Variants in KCNMA1 observed in about 807,000 individuals in gnomAD.
KCNMA1 encodes the protein potassium calcium-activated channel subfamily M alpha 1.
KCNMA1 carries 29 observed loss-of-function variants against 140.0 expected under a neutral mutation model. The ratio of observed to expected loss-of-function variants is 0.21; its 90% CI spans 0.15 to 0.28. The LOEUF is 0.28. Ranked by LOEUF, KCNMA1 falls within the 10% of genes least tolerant of loss-of-function variation. The pLI, the probability that KCNMA1 is intolerant of heterozygous loss-of-function variation, is 1.00. For synonymous variants in KCNMA1, 612 were observed against 611.9 expected (o/e 1.00, Z 0.00); for missense variants, 880 against 1,602.2 (o/e 0.55, Z 7.70).
rs1042978200 is a variant in KCNMA1, at chr10:77,076,593, C to A, written c.1593+2888G>T. Among the ~76,000 whole-genome samples, 7 of 152,162 alleles carry A rather than the reference C, an allele frequency of 4.6e-5. No homozygotes were observed. The East Asian group carries it at 1.2e-3, about 25-fold the overall frequency. On this transcript the variant is annotated intron_variant, in intron 13 of 27. Coordinates refer to ENST00000286628, the MANE Select transcript of KCNMA1 (RefSeq NM_001161352.2). ...CCGCTCGCTGGCTGCAGAGTGGTGG[C>A]CATGATTTGTGCCCAGCAGAGCTGC...
At chr10:77,378,167 G>A (rs950407046) in intron 2 of KCNMA1, among the ~76,000 whole-genome samples, 2 of 152,062 alleles carry the variant, frequency 1.3e-5, no homozygotes, top group African/African-American at 4.8e-5. Context: ...GCAGCCTCAG[G>A]TGCCACCGAG....
intron 1 of KCNMA1, among the ~76,000 whole-genome samples, chr10:77,604,404 T>A (rs1434480549): frequency 3.9e-5 from 6 of 152,194 alleles, no homozygotes; most frequent in African/African-American, 1.4e-4. Context: ...GATATTTATT[T>A]TAGTTTTTAA....
intron 2 of KCNMA1, among the ~76,000 whole-genome samples, chr10:77,308,932 G>A (rs10824519): frequency 8.1e-4 from 123 of 152,126 alleles, no homozygotes; most frequent in Admixed American, 1.8e-3. Flanking sequence ...TAAAATGGCC[G>A]CCAAGTCAGG....
chr10:77,476,690 C>T (rs1010754705), intron 1 of KCNMA1, among the ~76,000 whole-genome samples: 2 of 152,190 alleles, frequency 1.3e-5, no homozygotes, highest in Non-Finnish European at 2.9e-5. Context: ...GGTGCATGTG[C>T]CCAGGTAAGC....
chr10:77,044,626 G>T (rs1186852885), intron 14 of KCNMA1, among the ~76,000 whole-genome samples: 1 of 152,172 alleles, frequency 6.6e-6, no homozygotes, highest in Non-Finnish European at 1.5e-5. Flanking sequence ...TCCAGCATGG[G>T]CAACAGAGAG....
At chr10:77,356,517 C>T (rs1389188480) in intron 2 of KCNMA1, among the ~76,000 whole-genome samples, 1 of 152,092 alleles carries the variant, frequency 6.6e-6, no homozygotes, top group African/African-American at 2.4e-5. Context: ...AATTAGACAC[C>T]GTGTGGCCTT....
intron 1 of KCNMA1, among the ~76,000 whole-genome samples, chr10:77,466,825 G>A (rs2098028750): frequency 6.6e-6 from 1 of 151,454 alleles, no homozygotes; most frequent in Admixed American, 6.6e-5. Flanking sequence ...GTGGGATGCT[G>A]ATGTCCATGA....
At chr10:77,013,961 T>C in intron 17 of KCNMA1, among the ~76,000 whole-genome samples, 1 of 152,366 alleles carries the variant, frequency 6.6e-6, no homozygotes, top group South Asian at 2.1e-4. Flanking sequence ...AAAGTTGGAT[T>C]CTTTTTTAAT....
chr10:77,155,682 G>A (rs779570583), intron 5 of KCNMA1, among the ~76,000 whole-genome samples: 4 of 151,946 alleles, frequency 2.6e-5, no homozygotes, highest in African/African-American at 4.8e-5. Flanking sequence ...CCACCATTAC[G>A]ATCTGAACTA....
chr10:77,206,819 G>GA (rs553539983), intron 3 of KCNMA1, among the ~76,000 whole-genome samples: 1 of 151,132 alleles, frequency 6.6e-6, no homozygotes, highest in South Asian at 2.1e-4. Context: ...GGGAGGGAGG[G>GA]GGGGGCGGGT....
chr10:77,324,175 G>A (rs1380196427), intron 2 of KCNMA1, among the ~76,000 whole-genome samples: 1 of 152,178 alleles, frequency 6.6e-6, no homozygotes, highest in East Asian at 1.9e-4. Flanking sequence ...GGCACCAACT[G>A]AACACTGTGC....
chr10:77,247,025 C>T (rs1473475997), intron 3 of KCNMA1, among the ~76,000 whole-genome samples: 2 of 152,212 alleles, frequency 1.3e-5, no homozygotes, highest in African/African-American at 4.8e-5. Context: ...TATAACCTTT[C>T]AGCTTTACTC....
intron 23 of KCNMA1, among the ~76,000 whole-genome samples, chr10:76,920,016 GTGTGTATATATA>G (rs1275108718): frequency 1.6e-4 from 7 of 44,286 alleles, no homozygotes; most frequent in African/African-American, 8.1e-4. Flanking sequence ...GTGTGTGTGT[GTGTGTATATATA>G]TATATATATA....
chr10:77,119,511 AAC>A (rs894236392), intron 6 of KCNMA1, among the ~76,000 whole-genome samples: 1 of 152,178 alleles, frequency 6.6e-6, no homozygotes, highest in Non-Finnish European at 1.5e-5. Context: ...CCATCTTTAA[AAC>A]ACAGTCTAGT....
chr10:77,283,513 C>A lies in KCNMA1; in HGVS notation c.541-32257G>T, dbSNP rs190490809. Among the ~76,000 whole-genome samples the A allele has an allele frequency of 3.0e-3, 460 of 152,300 alleles. 2 individuals carry two copies. Among genetic ancestry groups the A allele is most frequent in the Non-Finnish European group, 5.2e-3 (355 of 68,024 alleles). On this transcript the variant is annotated intron_variant, in intron 2 of 27. Coordinates refer to ENST00000286628, the MANE Select transcript of KCNMA1 (RefSeq NM_001161352.2). ...CTGTCAGATTCTTGATAAAGTACAG[C>A]ACATGCCAGGAATTCTGTGGGCCCT...
intron 1 of KCNMA1, among the ~76,000 whole-genome samples, chr10:77,424,747 G>A (rs1477923820): frequency 1.3e-5 from 2 of 152,204 alleles, no homozygotes; most frequent in African/African-American, 4.8e-5. Context: ...TAATGAAGGT[G>A]GTGGTATTTC....
chr10:77,420,928 C>T (rs149220940), intron 1 of KCNMA1, among the ~76,000 whole-genome samples: 1 of 152,346 alleles, frequency 6.6e-6, no homozygotes. Flanking sequence ...CCCTCATTCT[C>T]CACACTGAAG....
intron 3 of KCNMA1, among the ~76,000 whole-genome samples, chr10:77,210,562 T>A (rs569312): frequency 0.92 from 139,760 of 152,266 alleles, 64,272 homozygotes; most frequent in East Asian, 0.98. Flanking sequence ...AGTCCTAGCC[T>A]GAGCAACCAG....
intron 25 of KCNMA1, chr10:76,903,113 C>G (rs566864127): frequency 2.6e-5 from 4 of 152,392 alleles, no homozygotes; most frequent in South Asian, 4.1e-4. Flanking sequence ...GAAACCTGAG[C>G]CCACAGCGCC....
Sources: gnomAD v4.1 joint callset for allele counts (sites outside exome capture counted in the v4.1 genomes callset) on GRCh38, gnomAD v4.1.1 for gene constraint, MANE v1.5 for transcripts, NCBI Gene and HGNC (gene_info 2026-07-23, HGNC 2026-07-21) for gene names.